Variants in ELAVL4 observed in about 807,000 individuals in gnomAD.
The protein encoded by ELAVL4 is ELAV-like protein 4.
In ELAVL4, 1 loss-of-function variant was observed where a neutral mutation model predicts 35.6. The observed-to-expected ratio is 0.03, with a 90% CI of 0.01 to 0.13. The LOEUF (loss-of-function observed/expected upper bound fraction) is 0.13, where lower values mean the gene tolerates loss of function less well. Among genes scored for constraint, ELAVL4 ranks in the 10% least tolerant of loss-of-function variants. The pLI, the probability that ELAVL4 is intolerant of heterozygous loss-of-function variation, is 1.00. For missense variants in ELAVL4, 267 were observed against 464.9 expected (o/e 0.57, Z 3.91); for synonymous variants, 156 against 171.0 (o/e 0.91, Z 0.69).
At chr1:50,147,175 G>T (rs1673872675) in intron 2 of ELAVL4, among the ~76,000 whole-genome samples, 2 of 152,118 alleles carry the variant, frequency 1.3e-5, no homozygotes, top group South Asian at 4.1e-4. Flanking sequence ...TTATAATTAT[G>T]CATTCTTCTT....
chr1:50,197,378 G>A (rs781727903), intron 5 of ELAVL4, 51 bp from the exon 6 acceptor site: 9 of 1,532,058 alleles, frequency 5.9e-6, no homozygotes, highest in African/African-American at 5.7e-5. Context: ...TCCATTGAGC[G>A]ATCTTGCCAT....
chr1:50,099,205 T>G (rs1212288760), upstream of ELAVL4, among the ~76,000 whole-genome samples: 2 of 152,176 alleles, frequency 1.3e-5, no homozygotes, highest in African/African-American at 4.8e-5. Context: ...TTCCATGTGC[T>G]GGGGTTATAA....
intron 1 of ELAVL4, among the ~76,000 whole-genome samples, chr1:50,053,465 C>T (rs905002218): frequency 6.6e-5 from 10 of 152,216 alleles, no homozygotes; most frequent in Non-Finnish European, 1.2e-4. Context: ...CCTTCAACCT[C>T]AGCCTCCTGA....
In ELAVL4 at chr1:50,109,015, T is replaced by TCGGCGG; in HGVS notation, c.-174_-173insGGCGGC. On this transcript the variant is annotated 5_prime_UTR_variant, in exon 1 of 7. Coordinates refer to ENST00000371824, the MANE Select transcript of ELAVL4 (RefSeq NM_001144774.3). ...GCTCCTTTTCTTTTTTTTCTTTCTC[T>TCGGCGG]CCCCCGCCCACCCCCCCAAAAATAA... 1 of 961,074 alleles carries TCGGCGG rather than the reference T, an allele frequency of 1.0e-6. No homozygotes were observed. Among genetic ancestry groups the TCGGCGG allele is most frequent in the Non-Finnish European group, 1.2e-6 (1 of 816,954 alleles). The allele number at this position is 961,074 out of a possible 1,614,324, so 59.5% of individuals were successfully genotyped here.
intron 1 of ELAVL4, among the ~76,000 whole-genome samples, chr1:50,073,712 G>A (rs1234592062): frequency 1.3e-5 from 2 of 152,020 alleles, no homozygotes; most frequent in South Asian, 2.1e-4. Context: ...ACTTTTGGTC[G>A]TCCACTGGAG....
intron 1 of ELAVL4, among the ~76,000 whole-genome samples, chr1:50,072,871 G>A (rs1664594539): frequency 6.6e-6 from 1 of 152,116 alleles, no homozygotes. Context: ...CAGTTAAAAA[G>A]TAGAAGAGTT....
intron 1 of ELAVL4, among the ~76,000 whole-genome samples, chr1:50,097,357 G>C (rs1286887353): frequency 6.6e-6 from 1 of 152,214 alleles, no homozygotes; most frequent in Non-Finnish European, 1.5e-5. Context: ...CATTATTACA[G>C]TGTAAAGTCA....
At chr1:50,156,147 G>A (rs1675703374) in intron 2 of ELAVL4, among the ~76,000 whole-genome samples, 1 of 152,188 alleles carries the variant, frequency 6.6e-6, no homozygotes, top group Non-Finnish European at 1.5e-5. Flanking sequence ...CAAACCCAGT[G>A]CATCAGACTA....
chr1:50,184,280 G>A (rs1681491355), intron 3 of ELAVL4, among the ~76,000 whole-genome samples: 1 of 151,932 alleles, frequency 6.6e-6, no homozygotes, highest in African/African-American at 2.4e-5. Context: ...ATCTAAAAAG[G>A]AAATTAGACC....
chr1:50,193,770 A>T lies in ELAVL4; in HGVS notation c.360A>T (p.Ser120=), dbSNP rs1326424511. 1 of 1,613,406 alleles carries T rather than the reference A, an allele frequency of 6.2e-7. No individual in the cohort carries two copies. The highest frequency in any genetic ancestry group is 1.1e-5 in the South Asian group (1 of 90,940). Residue 120 remains serine (S), a synonymous_variant, in exon 4 of 7, where the codon TCA becomes TCT. Coordinates refer to ENST00000371824, the MANE Select transcript of ELAVL4 (RefSeq NM_001144774.3). ...CTCCTCTTGCCTTTTCCTAGGTCTC[A>T]TATGCCCGTCCGAGCTCTGCCTCAA... ...LRLQTKTIKV[S]YARPSSASIR... is the part of the protein sequence containing the mutation.
intron 1 of ELAVL4, among the ~76,000 whole-genome samples, chr1:50,125,466 C>T (rs1669746404): frequency 6.6e-6 from 1 of 151,886 alleles, no homozygotes; most frequent in African/African-American, 2.4e-5. Context: ...TTCATATGTC[C>T]AACTACTAAC....
chr1:50,176,698 G>A (rs967570386), intron 2 of ELAVL4, among the ~76,000 whole-genome samples: 3 of 152,190 alleles, frequency 2.0e-5, no homozygotes, highest in Non-Finnish European at 4.4e-5. Flanking sequence ...TTACAAAGTC[G>A]CACAGCTGAT....
chr1:50,083,810 C>T lies in ELAVL4; in HGVS notation c.18+35628C>T, dbSNP rs1447315701. On this transcript the variant is annotated intron_variant, in intron 1 of 6. Transcript: ENST00000448907. ...AAGATTGTTTTAGGACCACACTGGG[C>T]AGCCACGTATCTTAATTTTGCATTT... is the stretch of plus-strand genomic sequence containing the variant. Among the ~76,000 whole-genome samples the T allele has an allele frequency of 3.3e-5, 5 of 152,206 alleles. No homozygotes were observed. The South Asian group carries it at 8.3e-4, about 25-fold the overall frequency.
chr1:50,187,493 T>C (rs1298281791), intron 3 of ELAVL4, among the ~76,000 whole-genome samples: 1 of 152,224 alleles, frequency 6.6e-6, no homozygotes, highest in East Asian at 1.9e-4. Context: ...GTCACACAGC[T>C]AATAACGGTC....
In ELAVL4 at chr1:50,097,242, CT is replaced by C. The variant is rs1290535392; in HGVS notation, c.19-47714del. The stretch of plus-strand genomic sequence containing the variant: ...CTCAAAAAGAAAGAAAAAACAAAAC[CT>C]CTCGTGACCAGACTGGGCATTAGAG... On this transcript the variant is annotated intron_variant, in intron 1 of 6. Transcript: ENST00000448907. 2.0e-5 allele frequency among the ~76,000 whole-genome samples: 3 copies of C among 152,082 alleles called. No homozygotes were observed. The East Asian group carries it at 5.8e-4, about 29-fold the overall frequency.
At chr1:50,177,247 T>C in intron 3 of ELAVL4, 55 bp downstream of exon 3, 1 of 1,379,574 alleles carries the variant, frequency 7.2e-7, no homozygotes, top group South Asian at 1.2e-5. Context: ...AATTTCATTC[T>C]GTTGATCTGG....
At chr1:50,172,566 C>CA (rs1430059862) in intron 2 of ELAVL4, among the ~76,000 whole-genome samples, 1 of 152,160 alleles carries the variant, frequency 6.6e-6, no homozygotes, top group Non-Finnish European at 1.5e-5. Flanking sequence ...AACACAGCTA[C>CA]ACTCATTTGT....
chr1:50,059,133 TA>T (rs1663830815), intron 1 of ELAVL4, among the ~76,000 whole-genome samples: 1 of 152,180 alleles, frequency 6.6e-6, no homozygotes, highest in Non-Finnish European at 1.5e-5. Flanking sequence ...TAGAGTGGTA[TA>T]AATAAAAATT....
At chr1:50,142,619 G>A (rs966714031) in intron 1 of ELAVL4, among the ~76,000 whole-genome samples, 1 of 152,154 alleles carries the variant, frequency 6.6e-6, no homozygotes. Context: ...AATAGTCTCT[G>A]AACATTGATG....
Sources: allele counts gnomAD v4.1 joint callset (sites outside exome capture counted in the v4.1 genomes callset), GRCh38; gene constraint gnomAD v4.1.1; transcripts MANE v1.5; gene names NCBI Gene and HGNC (gene_info 2026-07-23, HGNC 2026-07-21).